Variants in CDKN3 observed in about 807,000 individuals in gnomAD.
CDKN3 encodes cyclin dependent kinase inhibitor 3.
Under a neutral mutation model 36.1 loss-of-function variants are expected in CDKN3, and 19 were observed. That is an observed-to-expected ratio of 0.53 (90% CI 0.37 to 0.77). CDKN3 has a LOEUF of 0.77. Among genes scored for constraint, CDKN3 ranks in the 30% least tolerant of loss-of-function variants. The probability of loss-of-function intolerance (pLI) is 0.00; values close to 1 mark genes in which losing one functional copy is unlikely to be tolerated. For synonymous variants in CDKN3, 71 were observed against 85.3 expected (o/e 0.83, Z 0.92); for missense variants, 188 against 248.6 (o/e 0.76, Z 1.64).
intron 4 of CDKN3, among the ~76,000 whole-genome samples, chr14:54,410,733 T>A (rs1392512076): frequency 1.3e-5 from 2 of 152,172 alleles, no homozygotes; most frequent in African/African-American, 2.4e-5. Flanking sequence ...AGCTAAGTGA[T>A]GAAGTAGCAG....
At chr14:54,404,597 C>G (rs2030081589) in intron 3 of CDKN3, among the ~76,000 whole-genome samples, 1 of 151,232 alleles carries the variant, frequency 6.6e-6, no homozygotes, top group Non-Finnish European at 1.5e-5. Flanking sequence ...TTTCTTGAGA[C>G]AGAGTCTCAC....
chr14:54,405,683 A>G (rs1326150800), intron 3 of CDKN3, among the ~76,000 whole-genome samples: 2 of 151,416 alleles, frequency 1.3e-5, no homozygotes, highest in East Asian at 3.9e-4. Flanking sequence ...TTTGCATTCC[A>G]TTTGTTTGGT....
At chr14:54,407,935 G>T (rs947402189) in intron 3 of CDKN3, among the ~76,000 whole-genome samples, 6 of 152,180 alleles carry the variant, frequency 3.9e-5, no homozygotes, top group Admixed American at 3.3e-4. Context: ...CATTGGTCTT[G>T]CTGGGAGCTG....
At chr14:54,413,813 T>G in intron 5 of CDKN3, 3 of 1,419,918 alleles carry the variant, frequency 2.1e-6, no homozygotes, top group Non-Finnish European at 2.7e-6. Flanking sequence ...ACAACACTGC[T>G]TGCCTACTGT....
intron 7 of CDKN3, chr14:54,418,263 C>T: frequency 1.4e-6 from 1 of 702,292 alleles, no homozygotes; most frequent in Non-Finnish European, 2.6e-6. Flanking sequence ...GGAATGGATC[C>T]TCTCACCTAG....
intron 4 of CDKN3, among the ~76,000 whole-genome samples, chr14:54,410,966 G>A (rs1396334498): frequency 6.6e-6 from 1 of 152,024 alleles, no homozygotes; most frequent in Non-Finnish European, 1.5e-5. Flanking sequence ...ATCAACTGAG[G>A]TCGGGAGTTC....
intron 5 of CDKN3, among the ~76,000 whole-genome samples, chr14:54,412,370 G>C (rs1391776869): frequency 7.1e-6 from 1 of 140,076 alleles, no homozygotes; most frequent in Non-Finnish European, 1.5e-5. Flanking sequence ...GGGTGACAGG[G>C]AGACCCCATC....
intron 3 of CDKN3, among the ~76,000 whole-genome samples, chr14:54,402,088 G>A (rs1461532132): frequency 6.6e-6 from 1 of 151,778 alleles, no homozygotes; most frequent in Non-Finnish European, 1.5e-5. Flanking sequence ...CGTGCCTATA[G>A]TCCCAGCTAC....
chr14:54,403,769 A>G lies in CDKN3; in HGVS notation c.148+2190A>G, dbSNP rs1001189578. 5.3e-5 allele frequency among the ~76,000 whole-genome samples: 8 copies of G among 152,306 alleles called. 1 individual carries two copies. The highest frequency in any genetic ancestry group is 1.9e-4 in the African/African-American group (8 of 41,546). ...CATGAAGGGGTGTTGAATTTTATCA[A>G]AGGCCTTTTCCAGATCTGAGATAAT... is the stretch of plus-strand genomic sequence containing the variant. On this transcript the variant is annotated intron_variant, in intron 3 of 7. Coordinates refer to ENST00000335183, the MANE Select transcript of CDKN3 (RefSeq NM_005192.4).
intron 4 of CDKN3, chr14:54,411,177 A>C (rs930995310): frequency 4.5e-5 from 1 of 22,056 alleles, no homozygotes. Context: ...ACTCCATCTC[A>C]AAAAAAAAAA....
chr14:54,401,991 C>T (rs2029962401), intron 3 of CDKN3, among the ~76,000 whole-genome samples: 1 of 152,080 alleles, frequency 6.6e-6, no homozygotes, highest in South Asian at 2.1e-4. Flanking sequence ...CGGCAGATCA[C>T]GAAGTCAGAA....
chr14:54,413,592 T>C (rs2030432694), intron 5 of CDKN3: 1 of 1,524,940 alleles, frequency 6.6e-7, no homozygotes, highest in Non-Finnish European at 8.8e-7. Flanking sequence ...AACTGGCATT[T>C]TTCATTGTCC....
intron 3 of CDKN3, among the ~76,000 whole-genome samples, chr14:54,403,194 T>C (rs1038155343): frequency 1.3e-5 from 2 of 152,238 alleles, no homozygotes; most frequent in African/African-American, 4.8e-5. Context: ...ATGGAATGTT[T>C]TTCCATTTGT....
At chr14:54,400,047 T>C (rs1282709109) in intron 2 of CDKN3, 71 bp downstream of exon 2, 6 of 793,832 alleles carry the variant, frequency 7.6e-6, no homozygotes. Flanking sequence ...TTTAGTTACA[T>C]CATAATCTTA....
rs1429864380 is a variant in CDKN3 at position 54,397,076 on chromosome 14, C to T, written c.8C>T (p.Pro3Leu). 4.7e-6 allele frequency: 7 copies of T among 1,500,662 alleles called. No individual in the cohort carries two copies. The Admixed American group carries it at 9.0e-5, about 19-fold the overall frequency. The allele number at this position is 1,500,662 out of a possible 1,614,324, so 93.0% of individuals were successfully genotyped here. Residue 3 changes from proline (P) to leucine (L), a missense_variant and splice_region_variant, in exon 1 of 8, where the codon CCG becomes CTG. Coordinates refer to ENST00000335183, the MANE Select transcript of CDKN3 (RefSeq NM_005192.4). MK[P>L]PSSIQTSEFD... is the part of the protein sequence containing the mutation. ...GACGTGGGGCGGCCAGCGATGAAGC[C>T]GGTGAGTCGGACGTGCTGGGGTTTG...
intron 2 of CDKN3, among the ~76,000 whole-genome samples, chr14:54,400,222 G>A (rs1472681108): frequency 1.0e-5 from 1 of 95,754 alleles, no homozygotes; most frequent in Non-Finnish European, 2.1e-5. Context: ...CTAACTCCAT[G>A]ATTCATTTAC....
intron 3 of CDKN3, among the ~76,000 whole-genome samples, chr14:54,407,399 G>A (rs532716344): frequency 7.2e-5 from 11 of 152,280 alleles, no homozygotes; most frequent in South Asian, 2.1e-4. Flanking sequence ...TGCTCTCTTC[G>A]GAGCCAGCAG....
chr14:54,409,890 CAAA>C (rs550669317), intron 4 of CDKN3, among the ~76,000 whole-genome samples: 4 of 117,622 alleles, frequency 3.4e-5, no homozygotes, highest in Admixed American at 8.6e-5. Flanking sequence ...GACCCTGCCT[CAAA>C]AAAAAAAAAA....
chr14:54,402,815 C>G (rs2030006585), intron 3 of CDKN3, among the ~76,000 whole-genome samples: 1 of 152,126 alleles, frequency 6.6e-6, no homozygotes. Flanking sequence ...GAATCCTTTC[C>G]TAATTGCTTG....
Sources: gnomAD v4.1 joint callset for allele counts (sites outside exome capture counted in the v4.1 genomes callset) on GRCh38, gnomAD v4.1.1 for gene constraint, MANE v1.5 for transcripts, NCBI Gene and HGNC (gene_info 2026-07-23, HGNC 2026-07-21) for gene names.